Variants in CEMIP observed in about 807,000 individuals in gnomAD.
CEMIP encodes the protein cell migration inducing hyaluronidase 1.
In CEMIP, 105 loss-of-function variants were observed where a neutral mutation model predicts 156.9. The observed-to-expected ratio is 0.67, with a 90% CI of 0.57 to 0.79. The LOEUF (loss-of-function observed/expected upper bound fraction) is 0.79. Among genes scored for constraint, CEMIP ranks in the 30% least tolerant of loss-of-function variants. The pLI is 0.00. For missense variants in CEMIP, 1,457 were observed against 1,769.4 expected, an observed-to-expected ratio of 0.82 and a Z score of 3.17; for synonymous variants, 676 against 668.4, an observed-to-expected ratio of 1.01 and a Z score of -0.17.
chr15:80,874,687 G>C (rs764677875), intron 3 of CEMIP, among the ~76,000 whole-genome samples: 2 of 152,154 alleles, frequency 1.3e-5, no homozygotes, highest in Non-Finnish European at 2.9e-5. Context: ...TTAACATCTA[G>C]AAGTGTAAGG....
At chr15:80,792,513 T>C (rs185429485) in intron 1 of CEMIP, among the ~76,000 whole-genome samples, 3 of 152,290 alleles carry the variant, frequency 2.0e-5, no homozygotes, top group Admixed American at 2.0e-4. Context: ...TCCCCTAAAA[T>C]AGGATGATTA....
intron 5 of CEMIP, 90 bp downstream of exon 5, chr15:80,879,944 G>A: frequency 5.6e-6 from 8 of 1,431,650 alleles, no homozygotes; most frequent in Non-Finnish European, 7.8e-6. Context: ...AAGAGGGCAA[G>A]CTTGCCTGTA....
intron 1 of CEMIP, among the ~76,000 whole-genome samples, chr15:80,785,030 G>A (rs1463276960): frequency 1.3e-5 from 2 of 152,122 alleles, no homozygotes; most frequent in East Asian, 1.9e-4. Context: ...CATCTTATCA[G>A]CAGACTAAAT....
At chr15:80,807,172 A>C (rs1896533333) in intron 1 of CEMIP, among the ~76,000 whole-genome samples, 1 of 152,068 alleles carries the variant, frequency 6.6e-6, no homozygotes, top group Non-Finnish European at 1.5e-5. Context: ...AATTGTAGAC[A>C]GTAGGGAAAG....
chr15:80,788,597 C>T (rs1596088404), intron 1 of CEMIP, among the ~76,000 whole-genome samples: 1 of 152,256 alleles, frequency 6.6e-6, no homozygotes, highest in East Asian at 1.9e-4. Context: ...GAGTAATTCA[C>T]TCTAATGCTA....
Position 80,791,451 on chromosome 15 carries a change from T to C in CEMIP, c.-176+11837T>C, listed in dbSNP as rs185153420. 4.4e-4 allele frequency among the ~76,000 whole-genome samples: 67 copies of C among 152,312 alleles called. No homozygotes were observed. The East Asian group carries it at 0.012, about 27-fold the overall frequency. On this transcript the variant is annotated intron_variant, in intron 1 of 29. Coordinates refer to ENST00000394685, the MANE Select transcript of CEMIP (RefSeq NM_001293298.2). The stretch of plus-strand genomic sequence containing the variant: ...TAACTGCGCTGTCCGAAGTGAATTG[T>C]TGGTACCAGGGTAATAGGGCCCAGA...
At chr15:80,805,083 T>A (rs1896480967) in intron 1 of CEMIP, among the ~76,000 whole-genome samples, 1 of 151,970 alleles carries the variant, frequency 6.6e-6, no homozygotes, top group Non-Finnish European at 1.5e-5. Context: ...ACACCTATCC[T>A]CCCACCAGGT....
Position 80,880,921 on chromosome 15 carries a change from G to A in CEMIP, c.402G>A (p.Pro134=), listed in dbSNP as rs139497635. Residue 134 remains proline, a synonymous_variant, in exon 6 of 30, where the codon CCG becomes CCA. Coordinates refer to ENST00000394685, the MANE Select transcript of CEMIP (RefSeq NM_001293298.2). The stretch of plus-strand genomic sequence containing the variant: ...GCAGGGCTGATGAAGGTATTCAGCC[G>A]GATCCTTACTATGGTCTGAAGTACA... The part of the protein sequence containing the change: ...LYGRADEGIQ[P]DPYYGLKYIG... 79 of 1,614,004 alleles carry A rather than the reference G, an allele frequency of 4.9e-5. 1 individual carries two copies. Among genetic ancestry groups the A allele is most frequent in the South Asian group, 3.5e-4 (32 of 91,082 alleles).
At chr15:80,922,781 T>C (rs1346376263) in intron 17 of CEMIP, among the ~76,000 whole-genome samples, 1 of 152,204 alleles carries the variant, frequency 6.6e-6, no homozygotes, top group Non-Finnish European at 1.5e-5. Flanking sequence ...ATCTCGAGTC[T>C]GTCAAGGACT....
chr15:80,861,247 C>T (rs567784835), intron 1 of CEMIP, among the ~76,000 whole-genome samples: 43 of 152,272 alleles, frequency 2.8e-4, no homozygotes, highest in African/African-American at 8.4e-4. Context: ...TATTCCCCTC[C>T]CATTCCTCCT....
intron 10 of CEMIP, among the ~76,000 whole-genome samples, chr15:80,893,068 T>C (rs1464652971): frequency 6.6e-6 from 1 of 151,970 alleles, no homozygotes; most frequent in Admixed American, 6.6e-5. Flanking sequence ...GCACCTGTAA[T>C]CCCAGCTACT....
chr15:80,893,484 G>A (rs1043128148), intron 10 of CEMIP, among the ~76,000 whole-genome samples: 6 of 152,128 alleles, frequency 3.9e-5, no homozygotes, highest in Non-Finnish European at 7.4e-5. Context: ...AGCCCCCTTC[G>A]ATAATGTTTT....
chr15:80,931,295 CCT>C (rs543221427), intron 21 of CEMIP, among the ~76,000 whole-genome samples: 32 of 152,274 alleles, frequency 2.1e-4, no homozygotes, highest in South Asian at 4.1e-4. Context: ...GTCCTTTTCC[CCT>C]CTGTTTCCCA....
At chr15:80,793,257 C>G (rs1203200432) in intron 1 of CEMIP, among the ~76,000 whole-genome samples, 1 of 152,126 alleles carries the variant, frequency 6.6e-6, no homozygotes, top group Non-Finnish European at 1.5e-5. Context: ...ACGTCTTTCC[C>G]CCTTCTGCTC....
At chr15:80,888,936 CA>C (rs1390412776) in intron 9 of CEMIP, 140 bp downstream of exon 9, 3 of 788,122 alleles carry the variant, frequency 3.8e-6, no homozygotes, top group Non-Finnish European at 6.6e-6. Flanking sequence ...AATGTGCAAC[CA>C]AAAGTTGTCT....
chr15:80,869,592 T>C (rs1898221673), intron 1 of CEMIP, among the ~76,000 whole-genome samples: 2 of 152,198 alleles, frequency 1.3e-5, no homozygotes, highest in African/African-American at 4.8e-5. Flanking sequence ...TTATCTTCCT[T>C]TGCCTAAGAA....
intron 29 of CEMIP, chr15:80,948,497 A>C: frequency 2.3e-6 from 1 of 438,148 alleles, no homozygotes; most frequent in Non-Finnish European, 4.3e-6. Flanking sequence ...GGTTCCTAGG[A>C]GGTCTCCTCC....
chr15:80,789,276 G>C (rs1982754), intron 1 of CEMIP, among the ~76,000 whole-genome samples: 1 of 152,216 alleles, frequency 6.6e-6, no homozygotes, highest in Admixed American at 6.5e-5. Flanking sequence ...GGGGCTTCCA[G>C]AGAAAGTGGA....
chr15:80,832,330 G>GTGTGTA (rs1567062137), intron 1 of CEMIP, among the ~76,000 whole-genome samples: 1 of 146,120 alleles, frequency 6.8e-6, no homozygotes, highest in Non-Finnish European at 1.5e-5. Context: ...CTCTGTGTGT[G>GTGTGTA]TGTGTGTGTG....
Sources: gnomAD v4.1 joint callset for allele counts (sites outside exome capture counted in the v4.1 genomes callset) on GRCh38, gnomAD v4.1.1 for gene constraint, MANE v1.5 for transcripts, NCBI Gene and HGNC (gene_info 2026-07-23, HGNC 2026-07-21) for gene names.